The following DPP10 variants were observed in gnomAD, a reference collection of about 807,000 sequenced individuals.
The protein encoded by DPP10 is dipeptidyl peptidase like 10, also known as inactive dipeptidyl peptidase 10.
A neutral mutation model predicts 120.9 loss-of-function variants in DPP10; 33 were observed. That is an observed-to-expected ratio of 0.27 (90% CI 0.21 to 0.37). DPP10 has a LOEUF of 0.37. Among genes scored for constraint, DPP10 ranks in the 10% least tolerant of loss-of-function variants. The pLI is 1.00. For synonymous variants in DPP10, 337 were observed against 326.1 expected (o/e 1.03, Z -0.36); for missense variants, 816 against 942.8 (o/e 0.87, Z 1.76).
chr2:114,798,086 C>T (rs548923765), intron 1 of DPP10, among the ~76,000 whole-genome samples: 1 of 152,092 alleles, frequency 6.6e-6, no homozygotes, highest in Non-Finnish European at 1.5e-5. Context: ...AAGTATCTAA[C>T]CAGTATTCCT....
chr2:115,418,145 T>C (rs2069596872), intron 3 of DPP10, among the ~76,000 whole-genome samples: 1 of 152,094 alleles, frequency 6.6e-6, no homozygotes, highest in South Asian at 2.1e-4. Context: ...TCTTGATAGA[T>C]TGGATGTGAT....
chr2:115,786,567 A>C (rs760560813), intron 17 of DPP10, among the ~76,000 whole-genome samples: 2 of 152,200 alleles, frequency 1.3e-5, no homozygotes, highest in South Asian at 2.1e-4. Flanking sequence ...CTGTTTCCAG[A>C]CATTCAACAA....
At chr2:115,148,737 CA>C (rs1284547145) in intron 1 of DPP10, among the ~76,000 whole-genome samples, 1 of 152,096 alleles carries the variant, frequency 6.6e-6, no homozygotes, top group African/African-American at 2.4e-5. Flanking sequence ...GCAAACCACA[CA>C]AAATTATTAT....
intron 1 of DPP10, among the ~76,000 whole-genome samples, chr2:114,494,112 A>AACAAC (rs201679386): frequency 0.012 from 1,742 of 146,946 alleles, 53 homozygotes; most frequent in African/African-American, 0.04. Context: ...AAAAAAAAAA[A>AACAAC]AAAAAAAAAC....
At chr2:114,982,222 TG>T (rs1323941604) in intron 1 of DPP10, among the ~76,000 whole-genome samples, 5 of 152,248 alleles carry the variant, frequency 3.3e-5, no homozygotes, top group African/African-American at 1.2e-4. Flanking sequence ...GGAGATAATA[TG>T]TAAATTTAAA....
chr2:114,885,935 T>C (rs1692031369), intron 1 of DPP10, among the ~76,000 whole-genome samples: 1 of 152,190 alleles, frequency 6.6e-6, no homozygotes, highest in Non-Finnish European at 1.5e-5. Context: ...CCTCCAAATA[T>C]TGATGTAAGA....
chr2:114,644,156 C>T (rs1373407169), intron 1 of DPP10, among the ~76,000 whole-genome samples: 2 of 148,306 alleles, frequency 1.3e-5, no homozygotes, highest in African/African-American at 5.0e-5. Context: ...GTTGGCCAGG[C>T]TGGTCTCAAA....
At chr2:114,927,200 G>A (rs1160867884) in intron 1 of DPP10, among the ~76,000 whole-genome samples, 1 of 152,048 alleles carries the variant, frequency 6.6e-6, no homozygotes, top group East Asian at 1.9e-4. Flanking sequence ...GGAGTACATG[G>A]ATGCAACACT....
intron 1 of DPP10, among the ~76,000 whole-genome samples, chr2:114,526,248 C>T (rs1685488393): frequency 6.6e-6 from 1 of 152,134 alleles, no homozygotes; most frequent in African/African-American, 2.4e-5. Flanking sequence ...GTGCAATCAC[C>T]AACACAAAGA....
In DPP10 at chr2:115,378,280, G is replaced by A. The variant is rs1489264723; in HGVS notation, c.271+34368G>A. On this transcript the variant is annotated intron_variant, in intron 3 of 25. Coordinates refer to ENST00000410059, the MANE Select transcript of DPP10 (RefSeq NM_020868.6). The stretch of plus-strand genomic sequence containing the variant: ...AAGAGGTCCTTCACATCCCTTGTAA[G>A]TTGGATTCCTAGGTATTTTATTCTC... Among the ~76,000 whole-genome samples, 804 of 150,382 alleles carry A rather than the reference G, an allele frequency of 5.3e-3. 8 individuals carry two copies. The highest frequency in any genetic ancestry group is 0.019 in the African/African-American group (759 of 40,800).
chr2:115,412,252 T>C (rs2069008216), intron 3 of DPP10, among the ~76,000 whole-genome samples: 2 of 152,198 alleles, frequency 1.3e-5, no homozygotes, highest in Non-Finnish European at 2.9e-5. Flanking sequence ...ATTAACTGTC[T>C]ATAGATGGCT....
At chr2:115,155,067 ATTT>A (rs966814838) in intron 1 of DPP10, among the ~76,000 whole-genome samples, 7 of 150,406 alleles carry the variant, frequency 4.7e-5, no homozygotes, top group Non-Finnish European at 1.0e-4. Flanking sequence ...AATTTTATTT[ATTT>A]TTTTTTTTTG....
chr2:114,461,450 G>A (rs1678911639), intron 1 of DPP10: 1 of 379,656 alleles, frequency 2.6e-6, no homozygotes, highest in Non-Finnish European at 3.6e-6. Flanking sequence ...CATGGTTGCG[G>A]TCTTTCAAGG....
chr2:115,049,425 T>C (rs1346032344), intron 1 of DPP10, among the ~76,000 whole-genome samples: 1 of 152,136 alleles, frequency 6.6e-6, no homozygotes, highest in African/African-American at 2.4e-5. Flanking sequence ...ACCAAAACGA[T>C]CTACTTTATA....
rs2066528298 is a variant in DPP10 at position 115,382,933 on chromosome 2, C to G, written c.271+39021C>G. On this transcript the variant is annotated intron_variant, in intron 3 of 25. Coordinates refer to ENST00000410059, the MANE Select transcript of DPP10 (RefSeq NM_020868.6). Reference sequence around the variant, plus strand: ...AGAACGCTGGGGTCTGTCTCTCCTACTCTGCCACAGCATTTTTGAAGCAGC... The same window carrying G: ...AGAACGCTGGGGTCTGTCTCTCCTAGTCTGCCACAGCATTTTTGAAGCAGC... Among the ~76,000 whole-genome samples the G allele has an allele frequency of 3.3e-5, 5 of 152,350 alleles. No homozygotes were observed. The South Asian group carries it at 1.0e-3, about 32-fold the overall frequency.
chr2:114,820,402 A>G (rs978125320), intron 1 of DPP10, among the ~76,000 whole-genome samples: 14 of 152,198 alleles, frequency 9.2e-5, no homozygotes, highest in African/African-American at 2.9e-4. Context: ...CAAATTCTAT[A>G]CACTTCCTAC....
chr2:114,777,407 C>CT (rs1440943078), intron 1 of DPP10, among the ~76,000 whole-genome samples: 1 of 150,564 alleles, frequency 6.6e-6, no homozygotes, highest in Non-Finnish European at 1.5e-5. Flanking sequence ...TTTCAGGGCC[C>CT]TTTTTTGAGT....
At chr2:114,508,655 A>C (rs1683878757) in intron 1 of DPP10, among the ~76,000 whole-genome samples, 1 of 152,094 alleles carries the variant, frequency 6.6e-6, no homozygotes, top group Non-Finnish European at 1.5e-5. Flanking sequence ...AGAGCATCTA[A>C]GTTGTGTCTT....
chr2:114,893,675 C>A (rs1360227809), intron 1 of DPP10, among the ~76,000 whole-genome samples: 1 of 152,120 alleles, frequency 6.6e-6, no homozygotes, highest in African/African-American at 2.4e-5. Context: ...ATCTTTACTT[C>A]ATAGAAATAA....
Sources: allele counts gnomAD v4.1 joint callset (sites outside exome capture counted in the v4.1 genomes callset), GRCh38; gene constraint gnomAD v4.1.1; transcripts MANE v1.5; gene names NCBI Gene and HGNC (gene_info 2026-07-23, HGNC 2026-07-21).